The following DAB1 variants were observed in gnomAD, a reference collection of about 807,000 sequenced individuals.
The protein encoded by DAB1 is DAB adaptor protein 1, also known as disabled homolog 1.
In DAB1, 15 loss-of-function variants were observed where a neutral mutation model predicts 64.6. The observed-to-expected ratio is 0.23, with a 90% CI of 0.16 to 0.36. The LOEUF is 0.36. Ranked by LOEUF, DAB1 falls within the 10% of genes least tolerant of loss-of-function variation. The pLI is 1.00. For missense variants in DAB1, 596 were observed against 706.7 expected, an observed-to-expected ratio of 0.84 and a Z score of 1.78; for synonymous variants, 235 against 251.9, an observed-to-expected ratio of 0.93 and a Z score of 0.64.
intron 1 of DAB1, among the ~76,000 whole-genome samples, chr1:58,546,397 C>T (rs1230175993): frequency 6.6e-6 from 1 of 152,190 alleles, no homozygotes; most frequent in East Asian, 1.9e-4. Context: ...CACGAAAGTA[C>T]TGCCACGGGG....
At chr1:57,234,078 A>T (rs1245530309) in intron 2 of DAB1, among the ~76,000 whole-genome samples, 1 of 152,252 alleles carries the variant, frequency 6.6e-6, no homozygotes, top group African/African-American at 2.4e-5. Context: ...ATGTTGTTTC[A>T]TTCAGTGAAC....
chr1:58,473,844 G>T, intron 3 of DAB1: 1 of 608,446 alleles, frequency 1.6e-6, no homozygotes, highest in Non-Finnish European at 2.8e-6. Context: ...AGACTGGTGT[G>T]TCTTCCTAGC....
chr1:57,055,078 GTTAGCATTTCCTCTCAGCAAGCAT>G (rs1649612411), intron 9 of DAB1, among the ~76,000 whole-genome samples: 1 of 152,184 alleles, frequency 6.6e-6, no homozygotes, highest in Non-Finnish European at 1.5e-5. Flanking sequence ...TCTCCAGCCA[GTTAGCATTTCCTCTCAGCAAGCAT>G]TTATGCTGTT....
In DAB1 at chr1:57,662,288, C is replaced by T. The variant is rs983768609; in HGVS notation, n.552-12623G>A. ...TCGGCTCACCGCAACCTCCACCTCC[C>T]GGGTTCAAGTGATTCTCCTGCCTCA... On this transcript the variant is annotated intron_variant and non_coding_transcript_variant, in intron 6 of 20. Transcript: ENST00000485760. 4.6e-5 allele frequency among the ~76,000 whole-genome samples: 7 copies of T among 152,242 alleles called. No individual in the cohort carries two copies. In the East Asian group the frequency reaches 5.8e-4, roughly 13 times the overall value.
chr1:58,042,289 T>C (rs1007551388), intron 5 of DAB1, among the ~76,000 whole-genome samples: 1 of 152,250 alleles, frequency 6.6e-6, no homozygotes, highest in Non-Finnish European at 1.5e-5. Flanking sequence ...TACCACATTT[T>C]AATAAATAGA....
chr1:58,530,531 T>A, intron 1 of DAB1: 1 of 753,104 alleles, frequency 1.3e-6, no homozygotes, highest in South Asian at 1.7e-5. Flanking sequence ...CTGGATTTGC[T>A]GCTTTACAGT....
intron 3 of DAB1, among the ~76,000 whole-genome samples, chr1:58,357,676 C>T (rs1192874082): frequency 1.3e-5 from 2 of 152,178 alleles, no homozygotes; most frequent in African/African-American, 2.4e-5. Flanking sequence ...TGTTAAAATG[C>T]AGATTCTGAT....
intron 3 of DAB1, among the ~76,000 whole-genome samples, chr1:58,387,032 C>T (rs1644438105): frequency 1.3e-5 from 2 of 152,100 alleles, no homozygotes; most frequent in Non-Finnish European, 2.9e-5. Flanking sequence ...TGCACTCCAG[C>T]CTGGTCAACA....
intron 5 of DAB1, among the ~76,000 whole-genome samples, chr1:57,889,902 G>T (rs568302149): frequency 1.6e-5 from 2 of 128,248 alleles, no homozygotes; most frequent in East Asian, 2.5e-4. Context: ...ACTGGGGCGG[G>T]GGGGGGGGAG....
chr1:57,230,219 A>G (rs1667562139), intron 2 of DAB1, among the ~76,000 whole-genome samples: 1 of 152,068 alleles, frequency 6.6e-6, no homozygotes, highest in African/African-American at 2.4e-5. Context: ...TGTGTAAGCT[A>G]CCATTCAGAG....
chr1:57,317,423 A>T (rs1402308317), intron 1 of DAB1, among the ~76,000 whole-genome samples: 8 of 152,152 alleles, frequency 5.3e-5, no homozygotes, highest in Non-Finnish European at 1.5e-5. Context: ...TGCAGCAGTA[A>T]ACTAATACGT....
intron 6 of DAB1, among the ~76,000 whole-genome samples, chr1:57,695,376 GAAAGAAAGA>G (rs1646824370): frequency 1.6e-5 from 1 of 62,284 alleles, no homozygotes; most frequent in Non-Finnish European, 3.1e-5. Flanking sequence ...AAGAAAGAAA[GAAAGAAAGA>G]AAGAAAGAAA....
chr1:57,115,366 C>T (rs955217710), intron 4 of DAB1, among the ~76,000 whole-genome samples: 1 of 152,132 alleles, frequency 6.6e-6, no homozygotes, highest in Non-Finnish European at 1.5e-5. Context: ...GGGGTTGTCA[C>T]AGAGAAGGTC....
In DAB1 at chr1:57,992,859, C is replaced by A. The variant is rs572045574; in HGVS notation, n.388-108697G>T. ...ATGAACCTCTCAGTGGCCAGGAAAC[C>A]AAATTCCACTTCTAGACCCCGATGC... On this transcript the variant is annotated intron_variant and non_coding_transcript_variant, in intron 5 of 20. Transcript: ENST00000485760. Among the ~76,000 whole-genome samples, 5 of 152,058 alleles carry A rather than the reference C, an allele frequency of 3.3e-5. No homozygotes were observed. In the South Asian group the frequency reaches 8.3e-4, roughly 25 times the overall value.
At chr1:57,161,438 C>T (rs1271052798) in intron 2 of DAB1, among the ~76,000 whole-genome samples, 1 of 152,112 alleles carries the variant, frequency 6.6e-6, no homozygotes, top group African/African-American at 2.4e-5. Context: ...AGGGTGATCA[C>T]CCATCCAAAG....
At chr1:57,492,215 CAGG>C in intron 7 of DAB1, among the ~76,000 whole-genome samples, 1 of 152,272 alleles carries the variant, frequency 6.6e-6, no homozygotes, top group South Asian at 2.1e-4. Context: ...CTGAAGACAG[CAGG>C]AGGCTATGGA....
At chr1:57,996,222 G>A (rs982607109) in intron 5 of DAB1, among the ~76,000 whole-genome samples, 1 of 152,100 alleles carries the variant, frequency 6.6e-6, no homozygotes, top group Non-Finnish European at 1.5e-5. Context: ...TCGTGCCATT[G>A]GACTCCAGCC....
At chr1:57,344,128 G>A (rs1033382166) in intron 1 of DAB1, among the ~76,000 whole-genome samples, 7 of 152,110 alleles carry the variant, frequency 4.6e-5, no homozygotes, top group East Asian at 1.9e-4. Context: ...ATAATTAACC[G>A]GTCCCCACCC....
At chr1:58,164,271 T>C (rs1281235866) in intron 4 of DAB1, among the ~76,000 whole-genome samples, 1 of 152,064 alleles carries the variant, frequency 6.6e-6, no homozygotes, top group African/African-American at 2.4e-5. Flanking sequence ...TATTCACTTT[T>C]AAGGCTTTAC....
Sources: gnomAD v4.1 joint callset for allele counts (sites outside exome capture counted in the v4.1 genomes callset) on GRCh38, gnomAD v4.1.1 for gene constraint, MANE v1.5 for transcripts, NCBI Gene and HGNC (gene_info 2026-07-23, HGNC 2026-07-21) for gene names.